R3HDML: variants seen among roughly 807,000 people sequenced by gnomAD.
R3HDML encodes the protein peptidase inhibitor R3HDML.
A neutral mutation model predicts 24.2 loss-of-function variants in R3HDML; 21 were observed. The observed-to-expected ratio is 0.87, with a 90% CI of 0.62 to 1.25. The LOEUF is 1.25. R3HDML is among the 50% of genes most tolerant of loss of function. The pLI, the probability that R3HDML is intolerant of heterozygous loss-of-function variation, is 0.00. For synonymous variants in R3HDML, 133 were observed against 131.5 expected (o/e 1.01, Z -0.08); for missense variants, 301 against 340.3 (o/e 0.88, Z 0.91).
chr20:44,339,892 C>A (rs1308193552), intron 1 of R3HDML, among the ~76,000 whole-genome samples: 1 of 152,184 alleles, frequency 6.6e-6, no homozygotes, highest in South Asian at 2.1e-4. Flanking sequence ...AATTCTCGTG[C>A]CTCAGCCTCC....
chr20:44,338,988 G>A (rs1299163689), intron 1 of R3HDML, among the ~76,000 whole-genome samples: 6 of 150,330 alleles, frequency 4.0e-5, no homozygotes, highest in Non-Finnish European at 1.5e-5. Context: ...CAGGAGAATC[G>A]CTTGAACCTG....
intron 2 of R3HDML, among the ~76,000 whole-genome samples, chr20:44,343,079 C>G (rs1270055326): frequency 6.6e-6 from 1 of 152,184 alleles, no homozygotes; most frequent in Admixed American, 6.5e-5. Context: ...ATCCGAGGAG[C>G]CCTTCCTTTC....
Position 44,343,374 on chromosome 20 carries a change from C to T in R3HDML, c.381-3C>T. On this transcript the variant is annotated splice_polypyrimidine_tract_variant and splice_region_variant and intron_variant, in intron 2 of 4. Transcript: ENST00000217043. ...GCTTCTTCCGTGTCCCCCGCCTCCC[C>T]AGGTACCGGTCCGTAGTGGATCTCA... The T allele has an allele frequency of 6.2e-7, 1 of 1,607,658 alleles. No individual in the cohort carries two copies.
chr20:44,350,603 G>A (rs2062807535), intron 4 of R3HDML, 57 bp from the exon 5 acceptor site: 1 of 1,568,916 alleles, frequency 6.4e-7, no homozygotes, highest in African/African-American at 1.4e-5. Flanking sequence ...CTGGACATCT[G>A]TGTGAAGGTT....
chr20:44,341,023 C>A (rs1217334807), intron 1 of R3HDML, among the ~76,000 whole-genome samples, 173 bp from the exon 2 acceptor site: 1 of 152,142 alleles, frequency 6.6e-6, no homozygotes, highest in East Asian at 1.9e-4. Flanking sequence ...CTCATGGTTG[C>A]CCTTCAAGTC....
intron 4 of R3HDML, among the ~76,000 whole-genome samples, chr20:44,350,292 CTGCT>C (rs2062805639): frequency 6.6e-6 from 1 of 151,782 alleles, no homozygotes. Context: ...GGCAGGAGGA[CTGCT>C]TGAGTCCAGA....
At chr20:44,350,578 T>C in intron 4 of R3HDML, 82 bp from the exon 5 acceptor site, 1 of 1,407,694 alleles carries the variant, frequency 7.1e-7, no homozygotes, top group Non-Finnish European at 9.5e-7. Flanking sequence ...GGCTGGTCAG[T>C]GGCAGCGCTG....
At chr20:44,341,111 G>A in intron 1 of R3HDML, 85 bp from the exon 2 acceptor site, 1 of 1,121,056 alleles carries the variant, frequency 8.9e-7, no homozygotes, top group Non-Finnish European at 1.3e-6. Flanking sequence ...GGTAGAAACG[G>A]CACCAGGTAA....
rs202024132 is a variant in R3HDML at position 44,349,146 on chromosome 20, TAAATAAAATA to T, written c.630-1480_630-1471del. ...TATCTCAAAGTAAAATAAAATAAAA[TAAATAAAATA>T]AAATAAAATAAAATAAAATAAAATA... On this transcript the variant is annotated intron_variant, in intron 4 of 4. Coordinates refer to ENST00000217043, the MANE Select transcript of R3HDML (RefSeq NM_178491.4). 3.8e-3 allele frequency among the ~76,000 whole-genome samples: 556 copies of T among 145,866 alleles called. 2 individuals are homozygous for T. The highest frequency in any genetic ancestry group is 0.011 in the African/African-American group (434 of 39,414).
chr20:44,343,323 G>C (rs916593953), intron 2 of R3HDML, 54 bp from the exon 3 acceptor site: 1 of 1,593,122 alleles, frequency 6.3e-7, no homozygotes, highest in Non-Finnish European at 8.5e-7. Context: ...GTTGGCGGCC[G>C]AGCCACTTTT....
At chr20:44,345,007 A>T (rs2062782446) in intron 3 of R3HDML, 1 of 493,244 alleles carries the variant, frequency 2.0e-6, no homozygotes, top group African/African-American at 2.0e-5. Flanking sequence ...CTCTTGTTCA[A>T]ATTGTGTGTA....
rs2062809464 is a variant in R3HDML at position 44,350,874 on chromosome 20, T to C, written c.*82T>C. The C allele has an allele frequency of 6.6e-7, 1 of 1,526,524 alleles. No individual in the cohort carries two copies. 94.6% of individuals were successfully genotyped at this position (1,526,524 alleles called of 1,614,324 possible). A position where few individuals can be genotyped will look rare whatever the true frequency, so the allele number is the denominator to read the frequency against. On this transcript the variant is annotated 3_prime_UTR_variant, in exon 5 of 5. Coordinates refer to ENST00000217043, the MANE Select transcript of R3HDML (RefSeq NM_178491.4). ...TCAAAAAACTGGGTGGAGAAATAAT[T>C]GTTTCTTTAAAGGATATGAGTTAGA...
At position 44,345,248 on chromosome 20, in the gene R3HDML, T is replaced by C. The variant is rs769569548; in HGVS notation, c.514-15T>C. ...AGCCCTTCTCATAGCCCCCTCTGTC[T>C]CTGTCCTTCACCAGATGGTGTGGGC... On this transcript the variant is annotated splice_polypyrimidine_tract_variant and intron_variant, in intron 3 of 4. Transcript: ENST00000217043. The C allele has an allele frequency of 3.1e-6, 5 of 1,609,264 alleles. No individual in the cohort carries two copies. The South Asian group carries it at 4.4e-5, about 14-fold the overall frequency.
At chr20:44,348,520 T>TTTCCTTTCCTTTCC (rs1555804779) in intron 4 of R3HDML, among the ~76,000 whole-genome samples, 5 of 87,470 alleles carry the variant, frequency 5.7e-5, no homozygotes, top group Non-Finnish European at 1.1e-4. Flanking sequence ...CTTTCCTTTC[T>TTTCCTTTCCTTTCC]TTTCTTCTGT....
chr20:44,340,964 C>G (rs2062770566), intron 1 of R3HDML, among the ~76,000 whole-genome samples: 1 of 152,182 alleles, frequency 6.6e-6, no homozygotes, highest in Non-Finnish European at 1.5e-5. Flanking sequence ...GAGCAGAGCC[C>G]AAGCTCAGAG....
rs1392796788 is a variant in R3HDML at position 44,337,773 on chromosome 20, G to T, written c.261+355G>T. 6.6e-6 allele frequency among the ~76,000 whole-genome samples: 1 copy of T among 152,020 alleles called. No individual in the cohort carries two copies. Among genetic ancestry groups the T allele is most frequent in the Non-Finnish European group, 1.5e-5 (1 of 68,022 alleles). ...CCAGCCAGGATTTCAATCCAGGTCTGCCTGCTGCCACCTGGCACCATCACA... is the reference window on the plus strand; with the variant it reads ...CCAGCCAGGATTTCAATCCAGGTCTTCCTGCTGCCACCTGGCACCATCACA... On this transcript the variant is annotated intron_variant, in intron 1 of 4. Coordinates refer to ENST00000217043, the MANE Select transcript of R3HDML (RefSeq NM_178491.4). This position sits in a 1 kb window ranked among gnomAD's most constrained non-coding sequence, Gnocchi z 4.7.
chr20:44,346,556 A>G (rs893349946), intron 4 of R3HDML, among the ~76,000 whole-genome samples: 2 of 152,254 alleles, frequency 1.3e-5, no homozygotes, highest in Non-Finnish European at 2.9e-5. Flanking sequence ...AGGCTTACAA[A>G]TATCTCACTA....
intron 4 of R3HDML, among the ~76,000 whole-genome samples, chr20:44,346,035 G>A (rs2062786030): frequency 6.6e-6 from 1 of 152,160 alleles, no homozygotes; most frequent in South Asian, 2.1e-4. Context: ...GGCCAGACTG[G>A]TCTCAAACCC....
rs149315439 is a variant in R3HDML at position 44,344,518 on chromosome 20, A to T, written c.514-745A>T. On this transcript the variant is annotated intron_variant, in intron 3 of 4. Transcript: ENST00000217043. Reference sequence around the variant, plus strand: ...ATTGGCTGGCCAGGTGCAGTGGCTCATGCCTGTAATCGTAGCACTTTGGGA... The same window carrying T: ...ATTGGCTGGCCAGGTGCAGTGGCTCTTGCCTGTAATCGTAGCACTTTGGGA... Among the ~76,000 whole-genome samples the T allele has an allele frequency of 3.1e-3, 472 of 152,292 alleles. 3 individuals carry two copies. Among genetic ancestry groups the T allele is most frequent in the African/African-American group, 0.011 (448 of 41,558 alleles).
Sources: allele counts gnomAD v4.1 joint callset (sites outside exome capture counted in the v4.1 genomes callset), GRCh38; gene constraint gnomAD v4.1.1; non-coding constraint Gnocchi (gnomAD v3.1); transcripts MANE v1.5; gene names NCBI Gene and HGNC (gene_info 2026-07-23, HGNC 2026-07-21).